Variants in ADK observed in about 807,000 individuals in gnomAD.
ADK encodes N6,N6-dimethyladenosine kinase.
ADK carries 24 observed loss-of-function variants against 44.7 expected under a neutral mutation model. The observed-to-expected ratio is 0.54, with a 90% CI of 0.39 to 0.76. The LOEUF is 0.76. Among genes scored for constraint, ADK ranks in the 30% least tolerant of loss-of-function variants. The probability of loss-of-function intolerance (pLI) is 0.00; values close to 1 mark genes in which losing one functional copy is unlikely to be tolerated. For missense variants in ADK, 321 were observed against 425.1 expected (o/e 0.76, Z 2.15); for synonymous variants, 128 against 142.6 (o/e 0.90, Z 0.73).
intron 1 of ADK, among the ~76,000 whole-genome samples, chr10:74,154,053 ACCAGT>A (rs1841686102): frequency 6.6e-6 from 1 of 152,146 alleles, no homozygotes; most frequent in Non-Finnish European, 1.5e-5. Context: ...CTAGGAGTTA[ACCAGT>A]CATCTGTGAC....
At chr10:74,502,151 A>G (rs1847905923) in intron 6 of ADK, among the ~76,000 whole-genome samples, 1 of 152,158 alleles carries the variant, frequency 6.6e-6, no homozygotes, top group Admixed American at 6.5e-5. Context: ...TAGCTAGTCC[A>G]AACCCAGGCC....
At chr10:74,442,256 A>C (rs1363618035) in intron 6 of ADK, among the ~76,000 whole-genome samples, 1 of 152,178 alleles carries the variant, frequency 6.6e-6, no homozygotes, top group Non-Finnish European at 1.5e-5. Context: ...GTTAGCGGGA[A>C]TGTAAATTGG....
At chr10:74,161,681 A>T (rs145446532) in intron 1 of ADK, among the ~76,000 whole-genome samples, 1 of 151,456 alleles carries the variant, frequency 6.6e-6, no homozygotes, top group East Asian at 2.0e-4. Flanking sequence ...TTCCTGGCAG[A>T]ATCAGGGAAT....
At chr10:74,485,562 A>G (rs2133370223) in intron 6 of ADK, among the ~76,000 whole-genome samples, 1 of 152,254 alleles carries the variant, frequency 6.6e-6, no homozygotes, top group Admixed American at 6.5e-5. Flanking sequence ...GTATCATTTT[A>G]TACCAGTTGA....
intron 3 of ADK, among the ~76,000 whole-genome samples, chr10:74,279,953 AG>A (rs34722640): frequency 0.022 from 3,295 of 152,234 alleles, 60 homozygotes; most frequent in Non-Finnish European, 0.038. Context: ...ACTTGAGCCC[AG>A]GAGTTTAAGG....
chr10:74,419,936 C>G (rs1844500944), intron 6 of ADK, among the ~76,000 whole-genome samples: 1 of 152,164 alleles, frequency 6.6e-6, no homozygotes, highest in South Asian at 2.1e-4. Context: ...TCATTTAAAT[C>G]TACTTCTATC....
chr10:74,343,413 A>G (rs192111853), intron 4 of ADK, among the ~76,000 whole-genome samples: 63 of 152,272 alleles, frequency 4.1e-4, no homozygotes, highest in Non-Finnish European at 7.4e-5. Context: ...TGTATGTACT[A>G]TTTATTAAGT....
chr10:74,661,360 C>T (rs1056841524), intron 9 of ADK: 74 of 834,536 alleles, frequency 8.9e-5, no homozygotes, highest in Non-Finnish European at 9.8e-5. Flanking sequence ...ATTCATTTGT[C>T]CCAAATTCCT....
At chr10:74,238,213 T>G (rs1845048358) in intron 3 of ADK, among the ~76,000 whole-genome samples, 1 of 152,198 alleles carries the variant, frequency 6.6e-6, no homozygotes, top group South Asian at 2.1e-4. Context: ...AGTACTCTGG[T>G]AGATTCTTAT....
chr10:74,700,091 A>T (rs1411882259), intron 10 of ADK, among the ~76,000 whole-genome samples: 1 of 152,338 alleles, frequency 6.6e-6, no homozygotes, highest in East Asian at 1.9e-4. Context: ...TATTCATTGT[A>T]GCATTGTTTA....
chr10:74,185,560 C>T (rs1383504314), intron 1 of ADK, among the ~76,000 whole-genome samples: 6 of 148,604 alleles, frequency 4.0e-5, no homozygotes, highest in African/African-American at 1.2e-4. Flanking sequence ...CGGCCGGGCG[C>T]GGTGGCTCAC....
chr10:74,640,218 G>T (rs746617481), intron 9 of ADK, among the ~76,000 whole-genome samples: 1 of 152,198 alleles, frequency 6.6e-6, no homozygotes, highest in Non-Finnish European at 1.5e-5. Context: ...ATGAGGCAGG[G>T]CCTTGAAAGT....
At chr10:74,170,450 A>T (rs1238667580) in intron 1 of ADK, among the ~76,000 whole-genome samples, 1 of 152,160 alleles carries the variant, frequency 6.6e-6, no homozygotes, top group African/African-American at 2.4e-5. Context: ...ATGATTTTAA[A>T]AATGCAAGTT....
chr10:74,293,059 A>G (rs779946913), intron 3 of ADK, among the ~76,000 whole-genome samples: 2 of 150,858 alleles, frequency 1.3e-5, no homozygotes, highest in Non-Finnish European at 2.9e-5. Flanking sequence ...TCAGCTACTC[A>G]GGAGGCTGAG....
chr10:74,320,176 G>A (rs1033497156), intron 4 of ADK, among the ~76,000 whole-genome samples: 1 of 152,144 alleles, frequency 6.6e-6, no homozygotes, highest in Non-Finnish European at 1.5e-5. Flanking sequence ...GTCTTAGCTT[G>A]TGTTTATCTG....
chr10:74,431,795 G>C (rs1845009933), intron 6 of ADK, among the ~76,000 whole-genome samples: 1 of 152,030 alleles, frequency 6.6e-6, no homozygotes, highest in Non-Finnish European at 1.5e-5. Flanking sequence ...CTGGACAACA[G>C]AGCAAGACTC....
chr10:74,568,635 A>C (rs75568913), intron 7 of ADK, among the ~76,000 whole-genome samples: 2 of 148,224 alleles, frequency 1.3e-5, no homozygotes, highest in East Asian at 2.0e-4. Context: ...TTCTATGGTT[A>C]TTTCTTTTTT....
At chr10:74,204,416 A>G (rs1457019807) in intron 2 of ADK, among the ~76,000 whole-genome samples, 1 of 152,174 alleles carries the variant, frequency 6.6e-6, no homozygotes, top group South Asian at 2.1e-4. Flanking sequence ...AATATAAGTA[A>G]TTATGGGGGA....
intron 1 of ADK, among the ~76,000 whole-genome samples, chr10:74,189,013 C>T (rs973115607): frequency 2.0e-5 from 3 of 152,108 alleles, no homozygotes; most frequent in Non-Finnish European, 4.4e-5. Flanking sequence ...CCTCGTGATC[C>T]GCCCACCTTG....
Sources: allele counts gnomAD v4.1 joint callset (sites outside exome capture counted in the v4.1 genomes callset), GRCh38; gene constraint gnomAD v4.1.1; transcripts MANE v1.5; gene names NCBI Gene and HGNC (gene_info 2026-07-23, HGNC 2026-07-21).